The following GATAD2B variants were observed in gnomAD, a reference collection of about 807,000 sequenced individuals.
GATAD2B encodes GATA zinc finger domain containing 2B, also known as transcriptional repressor p66-beta.
A neutral mutation model predicts 64.3 loss-of-function variants in GATAD2B; 8 were observed. That is an observed-to-expected ratio of 0.12 (90% CI 0.07 to 0.22). The LOEUF (loss-of-function observed/expected upper bound fraction) is 0.22, where lower values mean the gene tolerates loss of function less well. Among genes scored for constraint, GATAD2B ranks in the 10% least tolerant of loss-of-function variants. The probability of loss-of-function intolerance (pLI) is 1.00; values close to 1 mark genes in which losing one functional copy is unlikely to be tolerated. For synonymous variants in GATAD2B, 281 were observed against 271.3 expected (o/e 1.04, Z -0.35); for missense variants, 453 against 752.0 (o/e 0.60, Z 4.65).
At chr1:153,862,750 G>C (rs1676353559) in intron 1 of GATAD2B, among the ~76,000 whole-genome samples, 1 of 140,364 alleles carries the variant, frequency 7.1e-6, no homozygotes, top group Non-Finnish European at 1.5e-5. Flanking sequence ...TTGAAATGGA[G>C]TTTTGCTCTT....
intron 1 of GATAD2B, among the ~76,000 whole-genome samples, chr1:153,844,078 GACAGAGTATC>G (rs1675595403): frequency 6.6e-6 from 1 of 152,110 alleles, no homozygotes; most frequent in African/African-American, 2.4e-5. Context: ...GATTTCAAAG[GACAGAGTATC>G]ACAGCAGAGA....
chr1:153,909,315 G>A (rs1678047483), intron 1 of GATAD2B, among the ~76,000 whole-genome samples: 1 of 151,874 alleles, frequency 6.6e-6, no homozygotes, highest in Non-Finnish European at 1.5e-5. Flanking sequence ...CTGGGTTCAC[G>A]CCATTCTCCT....
chr1:153,903,528 T>C (rs566286514), intron 1 of GATAD2B, among the ~76,000 whole-genome samples: 1 of 152,340 alleles, frequency 6.6e-6, no homozygotes, highest in East Asian at 1.9e-4. Flanking sequence ...TTTTGAGTAC[T>C]AGTAGTACTC....
intron 1 of GATAD2B, among the ~76,000 whole-genome samples, chr1:153,922,356 T>C (rs1464129522): frequency 1.1e-5 from 1 of 90,316 alleles, no homozygotes; most frequent in South Asian, 3.5e-4. Flanking sequence ...AGGCAGGGAG[T>C]GAAAGCGGGG....
At chr1:153,857,494 G>A (rs1001804005) in intron 1 of GATAD2B, among the ~76,000 whole-genome samples, 1 of 152,134 alleles carries the variant, frequency 6.6e-6, no homozygotes, top group African/African-American at 2.4e-5. Context: ...TCCCTTCATA[G>A]AAAACGGATG....
chr1:153,828,477 C>CAT, intron 1 of GATAD2B, 129 bp from the exon 2 acceptor site: 3 of 631,568 alleles, frequency 4.8e-6, no homozygotes, highest in Non-Finnish European at 8.2e-6. Context: ...CACACACACA[C>CAT]ACACACACAC....
At chr1:153,900,496 C>G (rs1449545595) in intron 1 of GATAD2B, among the ~76,000 whole-genome samples, 3 of 151,874 alleles carry the variant, frequency 2.0e-5, no homozygotes, top group Non-Finnish European at 2.9e-5. Context: ...ACCTACATCA[C>G]AGACTGGCAA....
intron 1 of GATAD2B, among the ~76,000 whole-genome samples, chr1:153,834,968 A>G (rs1446631756): frequency 6.6e-6 from 1 of 151,958 alleles, no homozygotes; most frequent in African/African-American, 2.4e-5. Flanking sequence ...GAAAATAAAA[A>G]AAAAAATTAG....
intron 1 of GATAD2B, among the ~76,000 whole-genome samples, chr1:153,895,180 AAGTT>A (rs1208270699): frequency 6.6e-6 from 1 of 151,802 alleles, no homozygotes; most frequent in Non-Finnish European, 1.5e-5. Context: ...AACAAACAAA[AAGTT>A]AGCTGGGCGT....
intron 1 of GATAD2B, among the ~76,000 whole-genome samples, chr1:153,835,335 T>C (rs577539110): frequency 6.6e-6 from 1 of 152,268 alleles, no homozygotes; most frequent in South Asian, 2.1e-4. Context: ...CTACTGTGGA[T>C]AAAATGGTAT....
chr1:153,898,157 T>G (rs1238443217), intron 1 of GATAD2B, among the ~76,000 whole-genome samples: 1 of 150,778 alleles, frequency 6.6e-6, no homozygotes, highest in Admixed American at 6.6e-5. Flanking sequence ...TACAAAAAAA[T>G]TAGCCAGGTA....
At chr1:153,855,141 C>T (rs1017865475) in intron 1 of GATAD2B, among the ~76,000 whole-genome samples, 1 of 151,736 alleles carries the variant, frequency 6.6e-6, no homozygotes, top group Non-Finnish European at 1.5e-5. Context: ...TATTATTAAT[C>T]TTGTTGGTTA....
intron 1 of GATAD2B, among the ~76,000 whole-genome samples, chr1:153,877,180 A>G (rs944945636): frequency 6.6e-6 from 1 of 152,134 alleles, no homozygotes; most frequent in Non-Finnish European, 1.5e-5. Flanking sequence ...ACCAAAAATA[A>G]TAATAATGAA....
chr1:153,845,390 A>G (rs1675647939), intron 1 of GATAD2B, among the ~76,000 whole-genome samples: 1 of 142,904 alleles, frequency 7.0e-6, no homozygotes, highest in African/African-American at 2.7e-5. Context: ...CAGTAAAAAA[A>G]AGAAAAAAAA....
chr1:153,821,908 T>A (rs72694224), intron 2 of GATAD2B, among the ~76,000 whole-genome samples: 6,271 of 151,888 alleles, frequency 0.041, 167 homozygotes, highest in Non-Finnish European at 0.066. Context: ...ATTTCTATAT[T>A]CCTTTATACT....
At chr1:153,847,713 T>C (rs529102740) in intron 1 of GATAD2B, among the ~76,000 whole-genome samples, 1 of 152,346 alleles carries the variant, frequency 6.6e-6, no homozygotes, top group Admixed American at 6.5e-5. Flanking sequence ...CTACTCTCCA[T>C]TTTCTCTACC....
chr1:153,898,880 A>C (rs1015946255), intron 1 of GATAD2B: 1 of 152,188 alleles, frequency 6.6e-6, no homozygotes, highest in African/African-American at 2.4e-5. Flanking sequence ...CCATTCCCTG[A>C]AAACAGTATG....
chr1:153,818,872 C>T lies in GATAD2B; in HGVS notation c.516G>A (p.Glu172=), dbSNP rs751052467. ...RQQLIKQLRD[E]LRLEEARLVL... ...CCAGTCGGGCTTCTTCCAATCGTAG[C>T]TCATCCCTCAGCTGCTTGATAAGCT... is the stretch of plus-strand genomic sequence containing the variant. Residue 172 remains glutamate (E), a synonymous_variant, in exon 4 of 11, where the codon GAG becomes GAA. Coordinates refer to ENST00000368655, the MANE Select transcript of GATAD2B (RefSeq NM_020699.4). 3.7e-6 allele frequency: 6 copies of T among 1,613,084 alleles called. No homozygotes were observed. In the African/African-American group the frequency reaches 5.3e-5, roughly 14 times the overall value.
intron 1 of GATAD2B, among the ~76,000 whole-genome samples, chr1:153,866,652 TACAC>T (rs1187638843): frequency 1.3e-5 from 2 of 152,154 alleles, no homozygotes. Flanking sequence ...AATGAATTTA[TACAC>T]ACACACAAAC....
Sources: allele counts gnomAD v4.1 joint callset (sites outside exome capture counted in the v4.1 genomes callset), GRCh38; gene constraint gnomAD v4.1.1; transcripts MANE v1.5; gene names NCBI Gene and HGNC (gene_info 2026-07-23, HGNC 2026-07-21).